Variants in TMEM131 observed in about 807,000 individuals in gnomAD.
TMEM131 encodes 2610524E03Rik.
A neutral mutation model predicts 211.6 loss-of-function variants in TMEM131; 66 were observed. The ratio of observed to expected loss-of-function variants is 0.31; its 90% CI spans 0.26 to 0.38. The LOEUF (loss-of-function observed/expected upper bound fraction) is 0.38, where lower values mean the gene tolerates loss of function less well. Ranked by LOEUF, TMEM131 falls within the 10% of genes least tolerant of loss-of-function variation. The pLI is 1.00. For synonymous variants in TMEM131, 844 were observed against 841.3 expected, an observed-to-expected ratio of 1.00 and a Z score of -0.06; for missense variants, 2,036 against 2,299.3, an observed-to-expected ratio of 0.89 and a Z score of 2.34.
chr2:97,913,852 T>C (rs1481994467), intron 2 of TMEM131, among the ~76,000 whole-genome samples: 2 of 152,048 alleles, frequency 1.3e-5, no homozygotes, highest in African/African-American at 4.8e-5. Flanking sequence ...CCAGGCGCCA[T>C]TTGAGTATTA....
At chr2:97,815,801 AC>A (rs1681800308) in intron 12 of TMEM131, among the ~76,000 whole-genome samples, 1 of 152,036 alleles carries the variant, frequency 6.6e-6, no homozygotes, top group African/African-American at 2.4e-5. Flanking sequence ...AGGCAAAATT[AC>A]CCCCCACTTA....
At chr2:97,923,628 TAAAAAAAAA>T (rs71386040) in intron 2 of TMEM131, among the ~76,000 whole-genome samples, 1 of 30,188 alleles carries the variant, frequency 3.3e-5, no homozygotes, top group Admixed American at 3.6e-4. Context: ...TCTTTTTTTT[TAAAAAAAAA>T]AAAAAAAAAA....
intron 3 of TMEM131, among the ~76,000 whole-genome samples, 194 bp downstream of exon 3, chr2:97,908,464 A>T (rs1486853405): frequency 6.6e-6 from 1 of 152,162 alleles, no homozygotes; most frequent in Non-Finnish European, 1.5e-5. Context: ...GGCATGCTAC[A>T]CAATTGCATG....
At chr2:97,930,511 T>C (rs1677174820) in intron 1 of TMEM131, among the ~76,000 whole-genome samples, 1 of 151,786 alleles carries the variant, frequency 6.6e-6, no homozygotes. Context: ...GATTATAAAG[T>C]CTCAAAAGGA....
chr2:97,925,589 A>G (rs1039076100), intron 2 of TMEM131, among the ~76,000 whole-genome samples: 3 of 152,226 alleles, frequency 2.0e-5, no homozygotes, highest in Non-Finnish European at 4.4e-5. Flanking sequence ...AGCACTGCAC[A>G]TGCATCGTGC....
rs117823499 is a variant in TMEM131 at position 97,851,334 on chromosome 2, C to T, written c.484-7073G>A. Among the ~76,000 whole-genome samples the T allele has an allele frequency of 3.8e-4, 58 of 152,284 alleles. No individual in the cohort carries two copies. The East Asian group carries it at 8.9e-3, about 23-fold the overall frequency. On this transcript the variant is annotated intron_variant, in intron 5 of 40. Coordinates refer to ENST00000186436, the MANE Select transcript of TMEM131 (RefSeq NM_015348.2). ...GTTCTACCCTCTGCCTTCTTCAATT[C>T]AGCTGACTCAACTCTGTCCTTCTAG...
chr2:97,948,312 T>C (rs944418454), intron 1 of TMEM131, among the ~76,000 whole-genome samples: 2 of 152,144 alleles, frequency 1.3e-5, no homozygotes, highest in African/African-American at 4.8e-5. Context: ...GACAAAGGAC[T>C]TGTATCCAGA....
chr2:97,821,347 A>G (rs929698214), intron 11 of TMEM131, among the ~76,000 whole-genome samples: 7 of 152,300 alleles, frequency 4.6e-5, no homozygotes, highest in Admixed American at 2.0e-4. Context: ...AAACGCACCA[A>G]TCAACACTGT....
intron 1 of TMEM131, among the ~76,000 whole-genome samples, chr2:97,938,125 G>A (rs1376289881): frequency 1.3e-5 from 2 of 152,102 alleles, no homozygotes; most frequent in Non-Finnish European, 2.9e-5. Context: ...ATCAACTAAC[G>A]AGCAAAATAA....
chr2:97,770,155 G>C (rs1679395122), intron 33 of TMEM131, among the ~76,000 whole-genome samples: 1 of 152,208 alleles, frequency 6.6e-6, no homozygotes, highest in African/African-American at 2.4e-5. Flanking sequence ...GTGATTCTGA[G>C]TGACAGTGTT....
chr2:97,918,593 A>T (rs1676608655), intron 2 of TMEM131, among the ~76,000 whole-genome samples: 1 of 152,212 alleles, frequency 6.6e-6, no homozygotes, highest in South Asian at 2.1e-4. Flanking sequence ...AGCCAATTTC[A>T]TTAACAACAA....
intron 1 of TMEM131, among the ~76,000 whole-genome samples, chr2:97,938,923 T>C (rs1165487368): frequency 6.6e-6 from 1 of 152,186 alleles, no homozygotes; most frequent in Middle Eastern, 3.2e-3. Flanking sequence ...TGCTCCTGAA[T>C]GACTACTGGG....
intron 4 of TMEM131, among the ~76,000 whole-genome samples, chr2:97,880,047 T>C (rs1362368993): frequency 6.6e-6 from 1 of 152,136 alleles, no homozygotes; most frequent in Non-Finnish European, 1.5e-5. Flanking sequence ...GAAGTATAAA[T>C]ATGCAAAAAT....
chr2:97,817,036 T>C (rs1260352562), intron 12 of TMEM131, among the ~76,000 whole-genome samples: 2 of 152,198 alleles, frequency 1.3e-5, no homozygotes, highest in Non-Finnish European at 2.9e-5. Context: ...AAATGTAGCA[T>C]TTGCTCTTAA....
chr2:97,761,793 T>G, intron 36 of TMEM131: 1 of 444,770 alleles, frequency 2.2e-6, no homozygotes. Context: ...AATGGTGCAT[T>G]TCTCGGTCCA....
Position 97,768,703 on chromosome 2 carries a change from G to A in TMEM131, c.4449-2101C>T, listed in dbSNP as rs533885343. Among the ~76,000 whole-genome samples the A allele has an allele frequency of 2.6e-5, 4 of 152,256 alleles. No individual in the cohort carries two copies. The East Asian group carries it at 7.7e-4, about 29-fold the overall frequency. ...CCTCCCAGGCTCAAGCAATTCTCCT[G>A]CCTCAGCCTCCTGAGTAGCTGGGAT... On this transcript the variant is annotated intron_variant, in intron 33 of 40. Coordinates refer to ENST00000186436, the MANE Select transcript of TMEM131 (RefSeq NM_015348.2).
intron 11 of TMEM131, among the ~76,000 whole-genome samples, chr2:97,824,074 T>C (rs566491911): frequency 6.6e-6 from 1 of 152,254 alleles, no homozygotes; most frequent in Admixed American, 6.5e-5. Flanking sequence ...GAAAGAAAAT[T>C]GAGCAGGCCA....
intron 2 of TMEM131, among the ~76,000 whole-genome samples, chr2:97,914,664 G>C (rs1158531577): frequency 6.6e-6 from 1 of 152,138 alleles, no homozygotes; most frequent in African/African-American, 2.4e-5. Flanking sequence ...TTTTCACTCA[G>C]CCTAATTCTC....
At chr2:97,871,155 T>G (rs1674474610) in intron 4 of TMEM131, among the ~76,000 whole-genome samples, 1 of 152,184 alleles carries the variant, frequency 6.6e-6, no homozygotes. Flanking sequence ...AAGCCAAAGA[T>G]TTTAGTAAAC....
Sources: gnomAD v4.1 joint callset for allele counts (sites outside exome capture counted in the v4.1 genomes callset) on GRCh38, gnomAD v4.1.1 for gene constraint, MANE v1.5 for transcripts, NCBI Gene and HGNC (gene_info 2026-07-23, HGNC 2026-07-21) for gene names.